Variants in SHISA6 observed in about 807,000 individuals in gnomAD.
SHISA6 encodes the protein shisa family member 6.
SHISA6 carries 22 observed loss-of-function variants against 47.9 expected under a neutral mutation model. The ratio of observed to expected loss-of-function variants is 0.46; its 90% confidence interval spans 0.33 to 0.66. The LOEUF (loss-of-function observed/expected upper bound fraction) is 0.66. Ranked by LOEUF, SHISA6 falls within the 30% of genes least tolerant of loss-of-function variation. The pLI, the probability that SHISA6 is intolerant of heterozygous loss-of-function variation, is 0.02. For missense variants in SHISA6, 680 were observed against 764.6 expected, an observed-to-expected ratio of 0.89 and a Z score of 1.30; for synonymous variants, 388 against 337.8, an observed-to-expected ratio of 1.15 and a Z score of -1.63.
chr17:11,466,652 C>T (rs976217451), intron 3 of SHISA6, among the ~76,000 whole-genome samples: 4 of 152,138 alleles, frequency 2.6e-5, no homozygotes, highest in African/African-American at 7.2e-5. Flanking sequence ...AGATGCCATC[C>T]GTCCTCAAAG....
chr17:11,264,645 A>T (rs987993143), intron 2 of SHISA6, among the ~76,000 whole-genome samples: 1 of 152,174 alleles, frequency 6.6e-6, no homozygotes, highest in Non-Finnish European at 1.5e-5. Context: ...TTTTCAGAGG[A>T]TGGGCAATGT....
At chr17:11,544,656 A>AT (rs1406330219) in intron 3 of SHISA6, among the ~76,000 whole-genome samples, 2 of 152,148 alleles carry the variant, frequency 1.3e-5, no homozygotes, top group African/African-American at 4.8e-5. Context: ...AGTTTGGAAG[A>AT]TTTTTTAAAA....
chr17:11,311,534 ATAAG>A (rs1910342064), intron 2 of SHISA6, among the ~76,000 whole-genome samples: 1 of 152,228 alleles, frequency 6.6e-6, no homozygotes, highest in Non-Finnish European at 1.5e-5. Flanking sequence ...CCTTAGCAGC[ATAAG>A]TATAAGGCAT....
intron 2 of SHISA6, among the ~76,000 whole-genome samples, chr17:11,351,931 G>T (rs1269018837): frequency 6.6e-6 from 1 of 152,206 alleles, no homozygotes; most frequent in African/African-American, 2.4e-5. Flanking sequence ...GGGCAGTGGG[G>T]AGAAAGTAGG....
chr17:11,352,883 G>C (rs538005936), intron 2 of SHISA6, among the ~76,000 whole-genome samples: 2 of 152,140 alleles, frequency 1.3e-5, no homozygotes, highest in Admixed American at 6.5e-5. Context: ...ATTTGGGGGA[G>C]AAACAAATTC....
At chr17:11,516,882 C>T (rs375885832) in intron 3 of SHISA6, among the ~76,000 whole-genome samples, 13 of 152,184 alleles carry the variant, frequency 8.5e-5, no homozygotes, top group East Asian at 3.9e-4. Context: ...CCCAAAGCTA[C>T]ACCACTTGCT....
chr17:11,459,008 G>A (rs544648733), intron 3 of SHISA6, among the ~76,000 whole-genome samples: 175 of 151,772 alleles, frequency 1.2e-3, no homozygotes, highest in Non-Finnish European at 1.0e-3. Context: ...TCAGGAGATC[G>A]AGACCATCCT....
chr17:11,336,413 G>A (rs1268532379), intron 2 of SHISA6, among the ~76,000 whole-genome samples: 1 of 151,906 alleles, frequency 6.6e-6, no homozygotes, highest in African/African-American at 2.4e-5. Flanking sequence ...GAGAGGGTGG[G>A]CATGCAGAGG....
chr17:11,304,525 G>C (rs1910037722), intron 2 of SHISA6, among the ~76,000 whole-genome samples: 1 of 151,440 alleles, frequency 6.6e-6, no homozygotes, highest in Non-Finnish European at 1.5e-5. Flanking sequence ...TGGGTGCTGG[G>C]AGGTAGGAGA....
At chr17:11,407,277 G>T (rs61387705) in intron 3 of SHISA6, among the ~76,000 whole-genome samples, 6,123 of 152,002 alleles carry the variant, frequency 0.04, 399 homozygotes, top group African/African-American at 0.14. Context: ...GGTAAGTGGT[G>T]GAGCCTCTTT....
chr17:11,341,371 G>C (rs1302407882), intron 2 of SHISA6, among the ~76,000 whole-genome samples: 1 of 112,730 alleles, frequency 8.9e-6, no homozygotes, highest in African/African-American at 3.5e-5. Context: ...ATCCTGCTCT[G>C]TTGTCCAGGA....
At chr17:11,324,093 AT>A (rs1390439032) in intron 2 of SHISA6, among the ~76,000 whole-genome samples, 1 of 151,998 alleles carries the variant, frequency 6.6e-6, no homozygotes, top group African/African-American at 2.4e-5. Context: ...AAAGGCCCAC[AT>A]TTCTAAGTTT....
At position 11,484,059 on chromosome 17, in the gene SHISA6, A is replaced by T. The variant is rs940207889; in HGVS notation, c.896-67837A>T. ...CATGCAGAGAAGTAAAAACATATTT[A>T]CAAAAATTAACCATATATTAGGCTG... is the stretch of plus-strand genomic sequence containing the variant. On this transcript the variant is annotated intron_variant, in intron 3 of 5. Transcript: ENST00000441885. 1.3e-5 allele frequency among the ~76,000 whole-genome samples: 2 copies of T among 152,232 alleles called. 1 individual carries two copies. The highest frequency in any genetic ancestry group is 4.8e-5 in the African/African-American group (2 of 41,470).
chr17:11,504,345 ACT>A (rs2071480164), intron 3 of SHISA6, among the ~76,000 whole-genome samples: 1 of 152,074 alleles, frequency 6.6e-6, no homozygotes, highest in African/African-American at 2.4e-5. Context: ...CTTTTAAAGC[ACT>A]CTGCAAAATT....
intron 3 of SHISA6, among the ~76,000 whole-genome samples, chr17:11,527,626 AC>A (rs1434368646): frequency 4.6e-5 from 7 of 152,222 alleles, no homozygotes; most frequent in African/African-American, 1.7e-4. Context: ...AAGGGTTGGC[AC>A]TATGAGAGTG....
chr17:11,511,270 C>T (rs2071539242), intron 3 of SHISA6, among the ~76,000 whole-genome samples: 1 of 151,986 alleles, frequency 6.6e-6, no homozygotes, highest in South Asian at 2.1e-4. Context: ...CAGCATCACA[C>T]ACTGGGGCCT....
At chr17:11,467,762 T>G (rs1327122112) in intron 3 of SHISA6, among the ~76,000 whole-genome samples, 1 of 152,170 alleles carries the variant, frequency 6.6e-6, no homozygotes, top group Non-Finnish European at 1.5e-5. Flanking sequence ...TTCTGAGAGT[T>G]TAGCACAGCC....
At chr17:11,499,666 A>G (rs1224927674) in intron 3 of SHISA6, among the ~76,000 whole-genome samples, 1 of 147,846 alleles carries the variant, frequency 6.8e-6, no homozygotes, top group Non-Finnish European at 1.5e-5. Context: ...GTAATTTGAA[A>G]TCTATTCTTT....
intron 2 of SHISA6, among the ~76,000 whole-genome samples, chr17:11,264,529 G>A (rs532364986): frequency 5.9e-5 from 9 of 152,332 alleles, no homozygotes; most frequent in Middle Eastern, 3.4e-3. Flanking sequence ...GTCATCTCTT[G>A]TAGTGAGTGT....
Sources: allele counts gnomAD v4.1 joint callset (sites outside exome capture counted in the v4.1 genomes callset), GRCh38; gene constraint gnomAD v4.1.1; transcripts MANE v1.5; gene names NCBI Gene and HGNC (gene_info 2026-07-23, HGNC 2026-07-21).